The following FHIT variants were observed in gnomAD, a reference collection of about 807,000 sequenced individuals.
FHIT encodes the protein fragile histidine triad diadenosine triphosphatase.
Under a neutral mutation model 17.9 loss-of-function variants are expected in FHIT, and 19 were observed. The ratio of observed to expected loss-of-function variants is 1.06; its 90% CI spans 0.74 to 1.56. FHIT has a LOEUF of 1.56. FHIT is among the 40% of genes most tolerant of loss of function. The pLI is 0.00. For synonymous variants in FHIT, 81 were observed against 69.7 expected, an observed-to-expected ratio of 1.16 and a Z score of -0.81; for missense variants, 248 against 189.2, an observed-to-expected ratio of 1.31 and a Z score of -1.82.
intron 7 of FHIT, among the ~76,000 whole-genome samples, chr3:59,936,376 T>C (rs1166489573): frequency 6.6e-6 from 1 of 152,180 alleles, no homozygotes; most frequent in Non-Finnish European, 1.5e-5. Context: ...AATGAAACAA[T>C]GATAGCATTT....
chr3:60,333,040 C>T (rs1218136900), intron 5 of FHIT, among the ~76,000 whole-genome samples: 1 of 152,130 alleles, frequency 6.6e-6, no homozygotes, highest in Non-Finnish European at 1.5e-5. Flanking sequence ...AAGGAACAAG[C>T]TAATAAACTG....
chr3:61,044,113 C>G (rs1356382488), intron 2 of FHIT, among the ~76,000 whole-genome samples: 2 of 152,174 alleles, frequency 1.3e-5, no homozygotes, highest in African/African-American at 2.4e-5. Context: ...AGCAAGGGAA[C>G]AAAGCTGGAT....
chr3:61,077,265 A>G (rs2034998711), intron 2 of FHIT, among the ~76,000 whole-genome samples: 1 of 152,172 alleles, frequency 6.6e-6, no homozygotes, highest in Admixed American at 6.6e-5. Flanking sequence ...TATGAAGTAT[A>G]TACTAGTGAG....
At position 60,914,531 on chromosome 3, in the gene FHIT, A is replaced by G. The variant is rs76348838; in HGVS notation, c.-110-92520T>C. Reference sequence around the variant, plus strand: ...AGGTTTTCAAAAAAAAAAAAGGTCCAATGAAATACACACAAAGGATACAAC... The same window carrying G: ...AGGTTTTCAAAAAAAAAAAAGGTCCGATGAAATACACACAAAGGATACAAC... On this transcript the variant is annotated intron_variant, in intron 3 of 9. Coordinates refer to ENST00000492590, the MANE Select transcript of FHIT (RefSeq NM_002012.4). Among the ~76,000 whole-genome samples, 163 of 152,074 alleles carry G rather than the reference A, an allele frequency of 1.1e-3. 2 individuals carry two copies. The East Asian group carries it at 0.027, about 25-fold the overall frequency.
chr3:61,086,381 A>G (rs2035307604), intron 2 of FHIT, among the ~76,000 whole-genome samples: 1 of 152,114 alleles, frequency 6.6e-6, no homozygotes. Context: ...ACATTACCTT[A>G]CCACTCATAT....
At chr3:60,823,532 G>A (rs1702004163) in intron 3 of FHIT, among the ~76,000 whole-genome samples, 3 of 152,150 alleles carry the variant, frequency 2.0e-5, no homozygotes, top group Non-Finnish European at 4.4e-5. Flanking sequence ...AATAAAGGCA[G>A]AGATTGGAGT....
intron 8 of FHIT, among the ~76,000 whole-genome samples, chr3:59,888,814 T>C (rs919558075): frequency 1.3e-5 from 2 of 152,220 alleles, no homozygotes; most frequent in Non-Finnish European, 2.9e-5. Flanking sequence ...GGAAGATTTA[T>C]AATAAACAGA....
At chr3:60,757,227 A>C (rs1699459508) in intron 4 of FHIT, among the ~76,000 whole-genome samples, 2 of 152,178 alleles carry the variant, frequency 1.3e-5, no homozygotes, top group Non-Finnish European at 2.9e-5. Flanking sequence ...ATTTTCATTG[A>C]AAATAATGTT....
intron 4 of FHIT, among the ~76,000 whole-genome samples, chr3:60,742,035 C>G (rs1477559718): frequency 1.3e-5 from 2 of 152,150 alleles, no homozygotes; most frequent in East Asian, 3.9e-4. Flanking sequence ...ATGAACCGTA[C>G]TTGAAACAAT....
chr3:60,281,989 A>G (rs920157346), intron 5 of FHIT, among the ~76,000 whole-genome samples: 2 of 152,208 alleles, frequency 1.3e-5, no homozygotes, highest in Non-Finnish European at 2.9e-5. Context: ...AGCTAAATCC[A>G]TAAGACTGAT....
chr3:60,298,016 A>T (rs781586044), intron 5 of FHIT, among the ~76,000 whole-genome samples: 32 of 152,168 alleles, frequency 2.1e-4, no homozygotes, highest in Non-Finnish European at 4.0e-4. Flanking sequence ...TGCTTTACTT[A>T]TGCAGATATA....
intron 4 of FHIT, among the ~76,000 whole-genome samples, chr3:60,714,142 T>C (rs1396929457): frequency 6.6e-6 from 1 of 152,178 alleles, no homozygotes; most frequent in Admixed American, 6.5e-5. Context: ...CGCAAATCAA[T>C]AAATGTAATC....
intron 5 of FHIT, among the ~76,000 whole-genome samples, chr3:60,268,093 A>G (rs939761120): frequency 1.3e-5 from 2 of 152,150 alleles, no homozygotes; most frequent in African/African-American, 4.8e-5. Context: ...TAGAACCTCA[A>G]ACTTGCCCTT....
intron 5 of FHIT, among the ~76,000 whole-genome samples, chr3:60,160,300 C>T (rs1036934445): frequency 3.9e-5 from 6 of 152,154 alleles, no homozygotes; most frequent in Admixed American, 1.3e-4. Context: ...CTAGATGGAA[C>T]GCAGTTCTCC....
At chr3:59,945,775 C>G (rs922455503) in intron 7 of FHIT, among the ~76,000 whole-genome samples, 4 of 152,118 alleles carry the variant, frequency 2.6e-5, no homozygotes, top group African/African-American at 9.7e-5. Flanking sequence ...TATTCAAGCA[C>G]CATTTATTGA....
intron 5 of FHIT, among the ~76,000 whole-genome samples, chr3:60,393,274 G>T (rs778175295): frequency 1.5e-4 from 23 of 151,766 alleles, no homozygotes; most frequent in African/African-American, 2.2e-4. Context: ...AGGAAATAAA[G>T]ATTTTTTTTG....
intron 3 of FHIT, among the ~76,000 whole-genome samples, chr3:60,914,001 A>T (rs1190488825): frequency 6.6e-6 from 1 of 152,242 alleles, no homozygotes; most frequent in African/African-American, 2.4e-5. Flanking sequence ...AGGCAAACAA[A>T]TGTCAAGGGG....
intron 5 of FHIT, among the ~76,000 whole-genome samples, chr3:60,355,323 T>C (rs1358312241): frequency 1.3e-5 from 2 of 152,166 alleles, no homozygotes; most frequent in African/African-American, 4.8e-5. Flanking sequence ...AATTGGAAGA[T>C]TGTTTTAGTG....
intron 3 of FHIT, among the ~76,000 whole-genome samples, chr3:60,907,071 G>C (rs1706466579): frequency 6.6e-6 from 1 of 151,798 alleles, no homozygotes; most frequent in Admixed American, 6.6e-5. Flanking sequence ...AAGGTTCTTG[G>C]GACACAAAAT....
Sources: allele counts gnomAD v4.1 joint callset (sites outside exome capture counted in the v4.1 genomes callset), GRCh38; gene constraint gnomAD v4.1.1; transcripts MANE v1.5; gene names NCBI Gene and HGNC (gene_info 2026-07-23, HGNC 2026-07-21).